The following CNTNAP2 variants were observed in gnomAD, a reference collection of about 807,000 sequenced individuals.
CNTNAP2 encodes the protein contactin associated protein 2, also known as contactin-associated protein-like 2.
Under a neutral mutation model 155.2 loss-of-function variants are expected in CNTNAP2, and 98 were observed. The ratio of observed to expected loss-of-function variants is 0.63; its 90% CI spans 0.54 to 0.75. The LOEUF (loss-of-function observed/expected upper bound fraction) is 0.75. CNTNAP2 is among the 30% of genes least tolerant of loss of function. CNTNAP2 has a pLI of 0.00. For missense variants in CNTNAP2, 1,727 were observed against 1,688.1 expected, an observed-to-expected ratio of 1.02 and a Z score of -0.40; for synonymous variants, 651 against 631.2, an observed-to-expected ratio of 1.03 and a Z score of -0.47.
At chr7:146,979,549 T>A (rs1021861353) in intron 3 of CNTNAP2, among the ~76,000 whole-genome samples, 3 of 152,208 alleles carry the variant, frequency 2.0e-5, no homozygotes, top group Non-Finnish European at 4.4e-5. Context: ...TCTGTAATTA[T>A]TTTATTTGTT....
chr7:146,491,158 GA>G (rs1279986770), intron 1 of CNTNAP2, among the ~76,000 whole-genome samples: 1 of 152,056 alleles, frequency 6.6e-6, no homozygotes, highest in Non-Finnish European at 1.5e-5. Context: ...GCTGTTATAT[GA>G]AAATAAAGTT....
At chr7:146,612,673 G>A (rs372207582) in intron 1 of CNTNAP2, among the ~76,000 whole-genome samples, 77 of 152,010 alleles carry the variant, frequency 5.1e-4, no homozygotes, top group African/African-American at 1.7e-3. Flanking sequence ...AACTTGGCAC[G>A]GATTATTAAG....
chr7:147,204,180 G>A (rs1463900039), intron 8 of CNTNAP2, among the ~76,000 whole-genome samples: 1 of 151,752 alleles, frequency 6.6e-6, no homozygotes, highest in African/African-American at 2.4e-5. Flanking sequence ...AAATAAGAGA[G>A]CAGCTTATGC....
chr7:147,599,396 T>C (rs974251472), intron 12 of CNTNAP2, among the ~76,000 whole-genome samples: 1 of 147,428 alleles, frequency 6.8e-6, no homozygotes, highest in Non-Finnish European at 1.5e-5. Context: ...GGCAGGAGAA[T>C]CACTTTAACC....
chr7:146,723,168 G>A (rs920321162), intron 1 of CNTNAP2, among the ~76,000 whole-genome samples: 1 of 152,120 alleles, frequency 6.6e-6, no homozygotes, highest in Non-Finnish European at 1.5e-5. Context: ...GTCCTTACAA[G>A]AACAGAAAAC....
At chr7:147,086,450 T>C (rs1043997017) in intron 4 of CNTNAP2, among the ~76,000 whole-genome samples, 1 of 152,170 alleles carries the variant, frequency 6.6e-6, no homozygotes, top group African/African-American at 2.4e-5. Flanking sequence ...TTTAAATTAC[T>C]TTTTTGAGAC....
intron 22 of CNTNAP2, among the ~76,000 whole-genome samples, chr7:148,392,687 C>T (rs1435463973): frequency 6.6e-6 from 1 of 152,060 alleles, no homozygotes; most frequent in Non-Finnish European, 1.5e-5. Context: ...TTCTCCACCT[C>T]CCCCAGAACC....
intron 9 of CNTNAP2, among the ~76,000 whole-genome samples, chr7:147,320,849 CTG>C: frequency 6.6e-6 from 1 of 152,278 alleles, no homozygotes; most frequent in Non-Finnish European, 1.5e-5. Context: ...CTGCTTTTTC[CTG>C]TCTAGTGGGC....
chr7:146,909,138 A>C (rs370507322), intron 3 of CNTNAP2, among the ~76,000 whole-genome samples: 3 of 152,082 alleles, frequency 2.0e-5, no homozygotes. Context: ...CAATAACAGG[A>C]GCTGAAATTG....
chr7:147,376,989 C>G (rs1796445708), intron 9 of CNTNAP2, among the ~76,000 whole-genome samples: 1 of 151,648 alleles, frequency 6.6e-6, no homozygotes, highest in Non-Finnish European at 1.5e-5. Flanking sequence ...TTCTTAGTTC[C>G]TGTGTGTTAG....
intron 8 of CNTNAP2, among the ~76,000 whole-genome samples, chr7:147,235,091 T>A (rs941491226): frequency 6.6e-6 from 1 of 152,134 alleles, no homozygotes; most frequent in Non-Finnish European, 1.5e-5. Context: ...TGGAAGAGCC[T>A]CATCCAATCA....
chr7:147,677,337 T>A (rs1332339237), intron 13 of CNTNAP2, among the ~76,000 whole-genome samples: 2 of 152,044 alleles, frequency 1.3e-5, no homozygotes, highest in East Asian at 3.9e-4. Context: ...ATGGCTCATT[T>A]TTAAATTGAG....
chr7:146,159,327 A>G lies in CNTNAP2; in HGVS notation c.97+42354A>G, dbSNP rs190212538. On this transcript the variant is annotated intron_variant, in intron 1 of 23. Coordinates refer to ENST00000361727, the MANE Select transcript of CNTNAP2 (RefSeq NM_014141.6). ...ACCATCAATGCTAGGAAGAAACTGC[A>G]TCAACTAATGAGCAAAATAACCAGC... Among the ~76,000 whole-genome samples, 322 of 152,350 alleles carry G rather than the reference A, an allele frequency of 2.1e-3. 2 individuals are homozygous for G. The East Asian group carries it at 0.039, about 18-fold the overall frequency.
chr7:146,948,448 C>G (rs990550303), intron 3 of CNTNAP2, among the ~76,000 whole-genome samples: 8 of 151,290 alleles, frequency 5.3e-5, no homozygotes, highest in Non-Finnish European at 1.2e-4. Context: ...GTGTCATTTT[C>G]TATTAATTTT....
intron 8 of CNTNAP2, among the ~76,000 whole-genome samples, chr7:147,263,535 C>T (rs182853293): frequency 6.6e-6 from 1 of 152,278 alleles, no homozygotes; most frequent in Non-Finnish European, 1.5e-5. Flanking sequence ...ACACGAACAT[C>T]TCAGTATTGA....
At chr7:146,333,783 C>G (rs1801224447) in intron 1 of CNTNAP2, among the ~76,000 whole-genome samples, 2 of 152,178 alleles carry the variant, frequency 1.3e-5, no homozygotes, top group South Asian at 4.1e-4. Flanking sequence ...TTCAAAGACT[C>G]TAGCTCATTT....
chr7:146,654,175 C>T (rs74475547), intron 1 of CNTNAP2, among the ~76,000 whole-genome samples: 3,401 of 152,036 alleles, frequency 0.022, 46 homozygotes, highest in Middle Eastern at 0.041. Flanking sequence ...GATGTCCTTG[C>T]ACATAAACAT....
At chr7:148,256,542 G>A (rs1796456786) in intron 20 of CNTNAP2, among the ~76,000 whole-genome samples, 1 of 152,072 alleles carries the variant, frequency 6.6e-6, no homozygotes, top group African/African-American at 2.4e-5. Context: ...TGGTTTGCAA[G>A]GGGTCCCTGA....
At chr7:148,371,936 C>T (rs1165224665) in intron 21 of CNTNAP2, among the ~76,000 whole-genome samples, 1 of 137,558 alleles carries the variant, frequency 7.3e-6, no homozygotes, top group Admixed American at 6.9e-5. Context: ...CGTGGTGGCT[C>T]ATGCCTGTAA....
Sources: gnomAD v4.1 joint callset for allele counts (sites outside exome capture counted in the v4.1 genomes callset) on GRCh38, gnomAD v4.1.1 for gene constraint, MANE v1.5 for transcripts, NCBI Gene and HGNC (gene_info 2026-07-23, HGNC 2026-07-21) for gene names.